The following FER1L6 variants were observed in gnomAD, a reference collection of about 807,000 sequenced individuals.
FER1L6 encodes the protein fer-1 like family member 6, also known as fer-1-like protein 6.
FER1L6 carries 177 observed loss-of-function variants against 219.2 expected under a neutral mutation model. That is an observed-to-expected ratio of 0.81 (90% CI 0.71 to 0.91). The LOEUF (loss-of-function observed/expected upper bound fraction) is 0.91. Among genes scored for constraint, FER1L6 ranks in the 40% least tolerant of loss-of-function variants. The pLI, the probability that FER1L6 is intolerant of heterozygous loss-of-function variation, is 0.00. For missense variants in FER1L6, 2,153 were observed against 2,259.9 expected (o/e 0.95, Z 0.96); for synonymous variants, 768 against 824.3 (o/e 0.93, Z 1.17).
At chr8:123,893,514 A>T (rs1812686978) in intron 1 of FER1L6, among the ~76,000 whole-genome samples, 1 of 152,236 alleles carries the variant, frequency 6.6e-6, no homozygotes, top group Non-Finnish European at 1.5e-5. Context: ...CAGTATACAT[A>T]TGTAAACAGG....
intron 1 of FER1L6, among the ~76,000 whole-genome samples, chr8:123,906,400 T>A (rs1812953497): frequency 6.6e-6 from 1 of 152,166 alleles, no homozygotes; most frequent in Non-Finnish European, 1.5e-5. Context: ...GTGAGTGACA[T>A]ATATCCAATA....
intron 1 of FER1L6, among the ~76,000 whole-genome samples, chr8:123,947,649 G>A (rs1364660820): frequency 1.3e-5 from 2 of 152,098 alleles, no homozygotes; most frequent in African/African-American, 4.8e-5. Flanking sequence ...GATACTGAGG[G>A]TACATATGTA....
intron 1 of FER1L6, among the ~76,000 whole-genome samples, chr8:123,924,164 G>A (rs1813472723): frequency 6.8e-6 from 1 of 148,090 alleles, no homozygotes; most frequent in Admixed American, 6.9e-5. Context: ...GAACTTGGGA[G>A]GCAGAGGTTG....
chr8:124,086,663 GTACT>G (rs1821798397), intron 33 of FER1L6, among the ~76,000 whole-genome samples: 1 of 152,004 alleles, frequency 6.6e-6, no homozygotes, highest in Non-Finnish European at 1.5e-5. Context: ...GTTTTTCTGT[GTACT>G]TACTGTTACC....
intron 1 of FER1L6, among the ~76,000 whole-genome samples, chr8:123,938,409 A>C (rs1031703772): frequency 1.3e-5 from 2 of 152,116 alleles, no homozygotes; most frequent in Non-Finnish European, 2.9e-5. Context: ...TCAGTCACTG[A>C]CTTTTGACAT....
chr8:123,933,664 A>G (rs1001728922), intron 1 of FER1L6, among the ~76,000 whole-genome samples: 6 of 152,234 alleles, frequency 3.9e-5, no homozygotes, highest in Non-Finnish European at 7.3e-5. Flanking sequence ...GAGGAAAAGT[A>G]TATGAAACAA....
In FER1L6 at chr8:124,049,766, C is replaced by T; in HGVS notation, c.2874+10C>T. The stretch of plus-strand genomic sequence containing the variant: ...ATTTGAACTGCTGCAGGTGAGTGAA[C>T]CAGATGTGGCACGAGATCTATTAGG... On this transcript the variant is annotated intron_variant, in intron 22 of 40. Transcript: ENST00000522917. 1 of 1,613,648 alleles carries T rather than the reference C, an allele frequency of 6.2e-7. No homozygotes were observed. The highest frequency in any genetic ancestry group is 8.5e-7 in the Non-Finnish European group (1 of 1,179,782).
At chr8:124,115,424 C>T (rs1048231476) in intron 39 of FER1L6, among the ~76,000 whole-genome samples, 2 of 151,972 alleles carry the variant, frequency 1.3e-5, no homozygotes, top group East Asian at 1.9e-4. Context: ...AGATGCATTG[C>T]GACCGTTCTA....
At chr8:123,974,899 T>C (rs1815994431) in intron 7 of FER1L6, among the ~76,000 whole-genome samples, 1 of 151,954 alleles carries the variant, frequency 6.6e-6, no homozygotes, top group Non-Finnish European at 1.5e-5. Flanking sequence ...GTCTCAGTGA[T>C]TTCTACTAAG....
intron 11 of FER1L6, among the ~76,000 whole-genome samples, chr8:123,982,463 G>A (rs1359341886): frequency 6.6e-6 from 1 of 152,110 alleles, no homozygotes. Context: ...GGTGTATCTT[G>A]GCTATTGTGT....
chr8:124,088,702 CT>C (rs113731479), intron 33 of FER1L6, among the ~76,000 whole-genome samples: 5,441 of 152,062 alleles, frequency 0.036, 305 homozygotes, highest in African/African-American at 0.12. Flanking sequence ...CCCAAGGGCT[CT>C]TTAGTCAGTA....
chr8:124,013,757 G>A (rs1818054620), intron 15 of FER1L6: 2 of 328,416 alleles, frequency 6.1e-6, no homozygotes, highest in South Asian at 1.1e-4. Flanking sequence ...AGCAAAGGAA[G>A]ACTTACTACA....
intron 22 of FER1L6, among the ~76,000 whole-genome samples, chr8:124,050,422 C>T (rs112688825): frequency 1.3e-5 from 2 of 152,070 alleles, no homozygotes; most frequent in Admixed American, 1.3e-4. Context: ...TGAGTCCCTG[C>T]AGTCTAGCAG....
intron 26 of FER1L6, 78 bp downstream of exon 26, chr8:124,064,651 T>C: frequency 7.5e-7 from 1 of 1,329,772 alleles, no homozygotes. Flanking sequence ...ATGAAGTTGC[T>C]TGCAGTGTGA....
chr8:124,064,291 A>T (rs990734195), intron 25 of FER1L6, 56 bp from the exon 26 acceptor site: 2 of 1,435,188 alleles, frequency 1.4e-6, no homozygotes, highest in African/African-American at 1.4e-5. Flanking sequence ...TAGGTCCCTG[A>T]AACGACCACC....
intron 19 of FER1L6, among the ~76,000 whole-genome samples, chr8:124,038,190 G>T (rs1359678922): frequency 1.3e-5 from 2 of 152,098 alleles, no homozygotes; most frequent in African/African-American, 4.8e-5. Context: ...GACTCATCCT[G>T]CTCCAGTGTC....
intron 22 of FER1L6, among the ~76,000 whole-genome samples, chr8:124,050,574 C>T (rs552008222): frequency 1.4e-3 from 207 of 152,222 alleles, no homozygotes; most frequent in African/African-American, 4.7e-3. Flanking sequence ...GCCTTTTAGT[C>T]AGATCAATAC....
chr8:123,981,987 C>T (rs933686899), intron 11 of FER1L6, among the ~76,000 whole-genome samples: 1 of 152,214 alleles, frequency 6.6e-6, no homozygotes, highest in South Asian at 2.1e-4. Context: ...CAGAGCTTTC[C>T]AATCTGTTTG....
intron 1 of FER1L6, among the ~76,000 whole-genome samples, chr8:123,942,759 T>C (rs1003957273): frequency 6.6e-6 from 1 of 152,268 alleles, no homozygotes; most frequent in Non-Finnish European, 1.5e-5. Flanking sequence ...TCCTTAATTA[T>C]ATCTGCAAAG....
Sources: allele counts gnomAD v4.1 joint callset (sites outside exome capture counted in the v4.1 genomes callset), GRCh38; gene constraint gnomAD v4.1.1; transcripts MANE v1.5; gene names NCBI Gene and HGNC (gene_info 2026-07-23, HGNC 2026-07-21).